Variants in EVI5 observed in about 807,000 individuals in gnomAD.
EVI5 encodes the protein ecotropic viral integration site 5.
A neutral mutation model predicts 112.0 loss-of-function variants in EVI5; 73 were observed. The ratio of observed to expected loss-of-function variants is 0.65; its 90% CI spans 0.54 to 0.79. The LOEUF is 0.79. Ranked by LOEUF, EVI5 falls within the 30% of genes least tolerant of loss-of-function variation. The pLI is 0.00. For synonymous variants in EVI5, 305 were observed against 319.9 expected (o/e 0.95, Z 0.50); for missense variants, 900 against 968.8 (o/e 0.93, Z 0.94).
rs4847190 is a variant in EVI5, at chr1:92,686,209, T to G, written c.1097+7593A>C. Among the ~76,000 whole-genome samples, 486 of 152,256 alleles carry G rather than the reference T, an allele frequency of 3.2e-3. 4 individuals are homozygous for G. The highest frequency in any genetic ancestry group is 0.011 in the African/African-American group (468 of 41,536). ...AAAAGCTTATCCACCATGATCAAGT[T>G]GGCTTCATCCCTGGGATGCAAGGCT... On this transcript the variant is annotated intron_variant, in intron 9 of 19. Coordinates refer to ENST00000684568, the MANE Select transcript of EVI5 (RefSeq NM_001350197.2).
intron 1 of EVI5, among the ~76,000 whole-genome samples, chr1:92,792,078 A>G (rs1686142905): frequency 6.6e-6 from 1 of 152,242 alleles, no homozygotes; most frequent in African/African-American, 2.4e-5. Context: ...GTGTTGAATT[A>G]CAAAAAGCCA....
At chr1:92,671,235 C>T (rs941213185) in intron 10 of EVI5, among the ~76,000 whole-genome samples, 9 of 152,110 alleles carry the variant, frequency 5.9e-5, no homozygotes, top group Admixed American at 2.0e-4. Flanking sequence ...ATGCAATGGT[C>T]ATTTCTCCAT....
At chr1:92,759,429 A>G (rs745585571) in intron 1 of EVI5, among the ~76,000 whole-genome samples, 9 of 152,242 alleles carry the variant, frequency 5.9e-5, no homozygotes, top group Non-Finnish European at 1.2e-4. Context: ...TGAACTAGCT[A>G]CAAGTCCTTA....
At chr1:92,670,191 T>C (rs991105331) in intron 10 of EVI5, among the ~76,000 whole-genome samples, 2 of 152,232 alleles carry the variant, frequency 1.3e-5, no homozygotes, top group Non-Finnish European at 2.9e-5. Flanking sequence ...GACAAAAAAC[T>C]TGTTATATAC....
chr1:92,589,891 C>T (rs567635207), intron 18 of EVI5, among the ~76,000 whole-genome samples: 12 of 152,284 alleles, frequency 7.9e-5, no homozygotes, highest in Admixed American at 3.3e-4. Context: ...ACACCTCACA[C>T]GGCCGGGTAC....
At chr1:92,517,827 G>A (rs372327427) in intron 19 of EVI5, among the ~76,000 whole-genome samples, 22 of 151,730 alleles carry the variant, frequency 1.4e-4, no homozygotes, top group African/African-American at 5.1e-4. Flanking sequence ...GGCTTATTAG[G>A]GAATCAGGAA....
At chr1:92,545,712 T>C (rs1359737614) in intron 19 of EVI5, among the ~76,000 whole-genome samples, 1 of 152,144 alleles carries the variant, frequency 6.6e-6, no homozygotes, top group Non-Finnish European at 1.5e-5. Context: ...TAGATCAATC[T>C]CTATGAATGT....
chr1:92,605,234 T>C, intron 18 of EVI5, 73 bp downstream of exon 18: 1 of 972,878 alleles, frequency 1.0e-6, no homozygotes. Flanking sequence ...GGATAAAGAG[T>C]AAGTTACTGT....
chr1:92,784,778 A>T, intron 1 of EVI5, 58 bp downstream of exon 1: 1 of 975,784 alleles, frequency 1.0e-6, no homozygotes, highest in Middle Eastern at 5.3e-4. Context: ...CCAGCGGAAC[A>T]CGGACTCACC....
At chr1:92,607,414 T>C in intron 17 of EVI5, 167 bp downstream of exon 17, 1 of 454,352 alleles carries the variant, frequency 2.2e-6, no homozygotes, top group East Asian at 3.6e-5. Context: ...AGAAGCAAGA[T>C]GAGCTGACCT....
intron 18 of EVI5, among the ~76,000 whole-genome samples, chr1:92,565,711 G>A (rs1452011916): frequency 6.6e-6 from 1 of 152,000 alleles, no homozygotes; most frequent in East Asian, 1.9e-4. Flanking sequence ...GCTCATGCCT[G>A]TAATCCCAGC....
rs559547249 is a variant in EVI5, at chr1:92,563,044, A to C, written c.2166+598T>G. Among the ~76,000 whole-genome samples, 12 of 152,332 alleles carry C rather than the reference A, an allele frequency of 7.9e-5. 1 individual carries two copies. In the South Asian group the frequency reaches 1.2e-3, roughly 16 times the overall value. ...AATTGACCTCGAGCCACATTAACAT[A>C]TCTCTCTAATCAAAACATACTAAAT... On this transcript the variant is annotated intron_variant, in intron 19 of 19. Coordinates refer to ENST00000684568, the MANE Select transcript of EVI5 (RefSeq NM_001350197.2).
chr1:92,690,960 A>G (rs1215158012), intron 9 of EVI5, among the ~76,000 whole-genome samples: 1 of 152,234 alleles, frequency 6.6e-6, no homozygotes, highest in African/African-American at 2.4e-5. Context: ...CAGTTTATAG[A>G]AAACACAAGA....
At chr1:92,774,584 G>A (rs1173353589) in intron 1 of EVI5, among the ~76,000 whole-genome samples, 3 of 152,128 alleles carry the variant, frequency 2.0e-5, no homozygotes, top group Non-Finnish European at 4.4e-5. Flanking sequence ...CTCTCATCAA[G>A]GTCCCTTTCA....
At chr1:92,706,380 A>G (rs1194164129) in intron 2 of EVI5, among the ~76,000 whole-genome samples, 1 of 152,218 alleles carries the variant, frequency 6.6e-6, no homozygotes, top group South Asian at 2.1e-4. Context: ...CTAAACCCTA[A>G]GAATTGTAAA....
At chr1:92,576,248 ATATG>A (rs1301631115) in intron 18 of EVI5, among the ~76,000 whole-genome samples, 1 of 152,244 alleles carries the variant, frequency 6.6e-6, no homozygotes, top group Non-Finnish European at 1.5e-5. Flanking sequence ...TCATGTGTAC[ATATG>A]TATATTAGTT....
At chr1:92,677,683 T>C (rs1391885982) in intron 9 of EVI5, among the ~76,000 whole-genome samples, 8 of 152,152 alleles carry the variant, frequency 5.3e-5, no homozygotes, top group Non-Finnish European at 1.2e-4. Context: ...AAGGTTAATA[T>C]AAAAATCACC....
intron 14 of EVI5, 111 bp from the exon 15 acceptor site, chr1:92,626,045 T>C (rs1399199625): frequency 1.4e-5 from 9 of 624,128 alleles, no homozygotes; most frequent in African/African-American, 3.7e-5. Flanking sequence ...TATACAGCTA[T>C]ACTGAAATAT....
At chr1:92,564,613 A>G (rs1025426139) in intron 18 of EVI5, among the ~76,000 whole-genome samples, 1 of 152,070 alleles carries the variant, frequency 6.6e-6, no homozygotes, top group African/African-American at 2.4e-5. Flanking sequence ...CTAGGGATAT[A>G]GATTGGTGAA....
Sources: gnomAD v4.1 joint callset for allele counts (sites outside exome capture counted in the v4.1 genomes callset) on GRCh38, gnomAD v4.1.1 for gene constraint, MANE v1.5 for transcripts, NCBI Gene and HGNC (gene_info 2026-07-23, HGNC 2026-07-21) for gene names.